Variants in SULT1E1 observed in about 807,000 individuals in gnomAD.
SULT1E1 encodes the protein sulfotransferase family 1E member 1.
Under a neutral mutation model 33.6 loss-of-function variants are expected in SULT1E1, and 36 were observed. The observed-to-expected ratio is 1.07, with a 90% CI of 0.82 to 1.41. SULT1E1 has a LOEUF of 1.41. SULT1E1 is among the 40% of genes most tolerant of loss of function. The probability of loss-of-function intolerance (pLI) is 0.00; values close to 1 mark genes in which losing one functional copy is unlikely to be tolerated. For missense variants in SULT1E1, 371 were observed against 345.7 expected (o/e 1.07, Z -0.58); for synonymous variants, 121 against 111.7 (o/e 1.08, Z -0.53).
intron 7 of SULT1E1, among the ~76,000 whole-genome samples, chr4:69,843,812 T>A (rs1720926021): frequency 6.6e-6 from 1 of 152,232 alleles, no homozygotes; most frequent in Admixed American, 6.5e-5. Flanking sequence ...GAATAAAATC[T>A]TTCTGCGGAA....
chr4:69,844,984 T>C (rs1254621769), intron 6 of SULT1E1, among the ~76,000 whole-genome samples: 2 of 152,116 alleles, frequency 1.3e-5, no homozygotes, highest in Non-Finnish European at 2.9e-5. Context: ...CTCTGCTCAA[T>C]AAATTGTAGT....
intron 7 of SULT1E1, 28 bp downstream of exon 7, chr4:69,844,133 G>A (rs1330678825): frequency 1.9e-6 from 3 of 1,610,502 alleles, no homozygotes; most frequent in Admixed American, 1.7e-5. Context: ...ACTTCCTCTA[G>A]TATCGAGGCA....
chr4:69,823,665 T>C, the SULT1E1 span, among the ~76,000 whole-genome samples: 4 of 152,204 alleles, frequency 2.6e-5, no homozygotes, highest in Non-Finnish European at 4.4e-5. Context: ...GTCCTCTTTC[T>C]TTGTAAATAG....
At chr4:69,831,543 G>A in the SULT1E1 span, among the ~76,000 whole-genome samples, 86 of 152,282 alleles carry the variant, frequency 5.6e-4, no homozygotes, top group African/African-American at 1.9e-3. Flanking sequence ...CTAATTCACA[G>A]AGAGTTCTCA....
At chr4:69,839,088 C>T (rs373785501), downstream of SULT1E1, among the ~76,000 whole-genome samples, 1 of 152,202 alleles carries the variant, frequency 6.6e-6, no homozygotes, top group East Asian at 1.9e-4. Context: ...TATGGATGAA[C>T]TTTATGGGAT....
the SULT1E1 span, among the ~76,000 whole-genome samples, chr4:69,822,391 G>A: frequency 8.5e-4 from 129 of 152,208 alleles, no homozygotes; most frequent in African/African-American, 3.0e-3. Context: ...AGGATGACTC[G>A]AGGCCAGGAG....
the SULT1E1 span, among the ~76,000 whole-genome samples, chr4:69,825,375 C>A: frequency 6.6e-6 from 1 of 152,214 alleles, no homozygotes; most frequent in Non-Finnish European, 1.5e-5. Flanking sequence ...CAAGAACCCA[C>A]TGAAAGGAAC....
rs763133216 is a variant in SULT1E1, at chr4:69,857,499, C to G, written c.145+1G>C. On this transcript the variant is annotated splice_donor_variant, in intron 2 of 7. Transcript: ENST00000226444. LOFTEE classifies it high-confidence loss of function. ...GAAAAAAGAACAACAAAGAGATTTA[C>G]CAGATTTAGGGTAGGTGGCAATGAC... is the stretch of plus-strand genomic sequence containing the variant. 1 of 1,589,024 alleles carries G rather than the reference C, an allele frequency of 6.3e-7. No homozygotes were observed. The highest frequency in any genetic ancestry group is 1.9e-5 in the Admixed American group (1 of 51,852).
At chr4:69,840,602 GA>G (rs1720862538), downstream of SULT1E1, among the ~76,000 whole-genome samples, 1 of 152,126 alleles carries the variant, frequency 6.6e-6, no homozygotes, top group Non-Finnish European at 1.5e-5. Flanking sequence ...ATATAGGACA[GA>G]AGGAACCCTA....
Position 69,851,921 on chromosome 4 carries a change from C to G in SULT1E1, c.369+2296G>C, listed in dbSNP as rs552069286. ...TTCTCACTCATAGGTGGGAAGTGAA[C>G]AATGAGAACACCTGGACACAAGAAG... On this transcript the variant is annotated intron_variant, in intron 4 of 7. Coordinates refer to ENST00000226444, the MANE Select transcript of SULT1E1 (RefSeq NM_005420.3). Among the ~76,000 whole-genome samples, 11 of 151,942 alleles carry G rather than the reference C, an allele frequency of 7.2e-5. No homozygotes were observed. In the South Asian group the frequency reaches 1.9e-3, roughly 26 times the overall value.
the SULT1E1 span, among the ~76,000 whole-genome samples, chr4:69,827,355 G>C: frequency 2.0e-5 from 3 of 152,154 alleles, no homozygotes; most frequent in East Asian, 5.8e-4. Flanking sequence ...GCTGTCCCCA[G>C]TATGGATCCC....
downstream of SULT1E1, among the ~76,000 whole-genome samples, chr4:69,840,843 G>A (rs539428736): frequency 3.3e-5 from 5 of 151,996 alleles, no homozygotes; most frequent in East Asian, 3.9e-4. Flanking sequence ...TCAGGAGATC[G>A]AGACCATCCT....
chr4:69,828,220 C>A, the SULT1E1 span, among the ~76,000 whole-genome samples: 2 of 152,218 alleles, frequency 1.3e-5, no homozygotes, highest in African/African-American at 2.4e-5. Flanking sequence ...GCTGGCCACC[C>A]AAGCCAGCAG....
At chr4:69,831,419 G>A in the SULT1E1 span, among the ~76,000 whole-genome samples, 1 of 152,032 alleles carries the variant, frequency 6.6e-6, no homozygotes, top group Non-Finnish European at 1.5e-5. Flanking sequence ...TAGGGGAATT[G>A]GTCTGGTTAC....
At chr4:69,826,189 C>G in the SULT1E1 span, among the ~76,000 whole-genome samples, 1 of 152,168 alleles carries the variant, frequency 6.6e-6, no homozygotes, top group African/African-American at 2.4e-5. Flanking sequence ...TTCCTTCCCT[C>G]AGGGTATGGC....
At chr4:69,859,801 G>A (rs1329253276) in intron 1 of SULT1E1, among the ~76,000 whole-genome samples, 1 of 152,014 alleles carries the variant, frequency 6.6e-6, no homozygotes, top group African/African-American at 2.4e-5. Flanking sequence ...TTTTAAGATA[G>A]CAATGGTACT....
At chr4:69,859,428 G>A (rs1578108493) in intron 1 of SULT1E1, among the ~76,000 whole-genome samples, 1 of 152,008 alleles carries the variant, frequency 6.6e-6, no homozygotes, top group African/African-American at 2.4e-5. Context: ...ACCTGTATGA[G>A]GGCAAAGTGA....
At chr4:69,831,252 C>T in the SULT1E1 span, among the ~76,000 whole-genome samples, 1 of 152,118 alleles carries the variant, frequency 6.6e-6, no homozygotes, top group African/African-American at 2.4e-5. Flanking sequence ...TTTATCTTGC[C>T]TTTCCTGTAG....
Position 69,857,633 on chromosome 4 carries a change from T to C in SULT1E1, c.12A>G (p.Glu4=). MNS[E]LDYYEKFEEV... is the part of the protein sequence containing the mutation. ...CTTCAAACTTTTCATAATAGTCAAG[T>C]TCAGAATTCATTGTGGTACACTGAA... The change falls in exon 2 of 8, where the codon GAA becomes GAG. Residue 4 remains glutamate, a synonymous_variant. Coordinates refer to ENST00000226444, the MANE Select transcript of SULT1E1 (RefSeq NM_005420.3). 1 of 1,600,748 alleles carries C rather than the reference T, an allele frequency of 6.2e-7. No homozygotes were observed. Among genetic ancestry groups the C allele is most frequent in the Non-Finnish European group, 8.5e-7 (1 of 1,176,016 alleles).
Sources: gnomAD v4.1 joint callset for allele counts (sites outside exome capture counted in the v4.1 genomes callset) on GRCh38, gnomAD v4.1.1 for gene constraint, MANE v1.5 for transcripts, NCBI Gene and HGNC (gene_info 2026-07-23, HGNC 2026-07-21) for gene names.